LINGO2: variants seen among roughly 807,000 people sequenced by gnomAD.
The protein encoded by LINGO2 is leucine-rich repeat and immunoglobulin-like domain-containing nogo receptor-interacting protein 2.
A neutral mutation model predicts 30.6 loss-of-function variants in LINGO2; 14 were observed. The ratio of observed to expected loss-of-function variants is 0.46; its 90% CI spans 0.30 to 0.72. The LOEUF (loss-of-function observed/expected upper bound fraction) is 0.72, where lower values mean the gene tolerates loss of function less well. Ranked by LOEUF, LINGO2 falls within the 30% of genes least tolerant of loss-of-function variation. The pLI, the probability that LINGO2 is intolerant of heterozygous loss-of-function variation, is 0.07. For missense variants in LINGO2, 729 were observed against 751.7 expected, an observed-to-expected ratio of 0.97 and a Z score of 0.35; for synonymous variants, 317 against 288.5, an observed-to-expected ratio of 1.10 and a Z score of -1.00.
At chr9:28,232,589 A>G (rs534527606) in intron 4 of LINGO2, among the ~76,000 whole-genome samples, 6 of 152,140 alleles carry the variant, frequency 3.9e-5, no homozygotes, top group Non-Finnish European at 5.9e-5. Context: ...AGCACCTCAC[A>G]TAACTCATCA....
At chr9:28,284,103 G>C (rs919927159) in intron 4 of LINGO2, among the ~76,000 whole-genome samples, 29 of 152,042 alleles carry the variant, frequency 1.9e-4, no homozygotes, top group African/African-American at 6.5e-4. Context: ...ATAGTCTACT[G>C]TAACAGTGCT....
the LINGO2 span, among the ~76,000 whole-genome samples, chr9:28,943,192 T>C: frequency 1.4e-4 from 21 of 152,118 alleles, no homozygotes; most frequent in Non-Finnish European, 2.9e-4. Context: ...AAAACAGTCA[T>C]TTTAGTAGGG....
chr9:28,569,132 A>G (rs1025604035), intron 1 of LINGO2, among the ~76,000 whole-genome samples: 1 of 152,054 alleles, frequency 6.6e-6, no homozygotes, highest in Non-Finnish European at 1.5e-5. Context: ...AAGATGAAAA[A>G]TAACAAGAGT....
intron 4 of LINGO2, among the ~76,000 whole-genome samples, chr9:28,014,861 T>C (rs1822747581): frequency 6.6e-6 from 1 of 152,174 alleles, no homozygotes; most frequent in South Asian, 2.1e-4. Context: ...GCAAATTCAA[T>C]ATTTTTAATA....
intron 3 of LINGO2, among the ~76,000 whole-genome samples, chr9:28,322,110 C>T (rs1825065006): frequency 6.6e-6 from 1 of 152,148 alleles, no homozygotes. Flanking sequence ...ACACACTAAC[C>T]TTGAGACACA....
At chr9:29,124,971 T>C in the LINGO2 span, among the ~76,000 whole-genome samples, 1 of 152,166 alleles carries the variant, frequency 6.6e-6, no homozygotes, top group Non-Finnish European at 1.5e-5. Flanking sequence ...CGTATGTTTA[T>C]TGCAGCAGTA....
intron 3 of LINGO2, among the ~76,000 whole-genome samples, chr9:28,297,746 T>C (rs1310205652): frequency 1.3e-5 from 2 of 152,232 alleles, no homozygotes; most frequent in Non-Finnish European, 1.5e-5. Context: ...CAACCTCATG[T>C]AGCTGAGTTA....
rs146991259 is a variant in LINGO2, at chr9:27,977,346, G to A, written c.-35-26640C>T. 4.2e-3 allele frequency among the ~76,000 whole-genome samples: 632 copies of A among 151,704 alleles called. 9 individuals carry two copies. The highest frequency in any genetic ancestry group is 0.015 in the African/African-American group (601 of 41,402). On this transcript the variant is annotated intron_variant, in intron 5 of 5. Transcript: ENST00000379992. ...TGCTGGGAATATTCACACCTTTTTG[G>A]ATGACTAATTAATTACTTCAGGTGA...
At chr9:28,068,244 T>C (rs1825371548) in intron 4 of LINGO2, among the ~76,000 whole-genome samples, 1 of 152,164 alleles carries the variant, frequency 6.6e-6, no homozygotes, top group Admixed American at 6.5e-5. Context: ...CTGACATTTC[T>C]AGAGGCTGCA....
At chr9:28,718,275 C>T in the LINGO2 span, among the ~76,000 whole-genome samples, 1 of 151,790 alleles carries the variant, frequency 6.6e-6, no homozygotes, top group South Asian at 2.1e-4. Flanking sequence ...AGTTTGTGAA[C>T]AGAGTTCAGA....
At chr9:28,681,073 C>T in the LINGO2 span, among the ~76,000 whole-genome samples, 50 of 152,086 alleles carry the variant, frequency 3.3e-4, 2 homozygotes, top group African/African-American at 8.7e-4. Context: ...TGAAGTTTCA[C>T]GTCTTATATG....
chr9:28,834,227 G>A, the LINGO2 span, among the ~76,000 whole-genome samples: 8 of 152,092 alleles, frequency 5.3e-5, no homozygotes, highest in African/African-American at 1.7e-4. Flanking sequence ...AGCTGTTTTG[G>A]AGCCACTCTC....
At chr9:29,055,502 G>A in the LINGO2 span, among the ~76,000 whole-genome samples, 1 of 152,138 alleles carries the variant, frequency 6.6e-6, no homozygotes, top group Non-Finnish European at 1.5e-5. Context: ...AAATAATGCT[G>A]TAATCAACAT....
the LINGO2 span, among the ~76,000 whole-genome samples, chr9:28,726,397 GA>G: frequency 6.6e-6 from 1 of 152,090 alleles, no homozygotes; most frequent in Non-Finnish European, 1.5e-5. Context: ...ACCACAATGG[GA>G]TAAATCTAAA....
the LINGO2 span, among the ~76,000 whole-genome samples, chr9:29,125,909 C>T: frequency 6.6e-6 from 1 of 151,972 alleles, no homozygotes; most frequent in Admixed American, 6.6e-5. Context: ...TATAACTAAT[C>T]AAGCAAAATA....
chr9:28,229,963 T>C (rs1198090123), intron 4 of LINGO2, among the ~76,000 whole-genome samples: 1 of 151,608 alleles, frequency 6.6e-6, no homozygotes, highest in Non-Finnish European at 1.5e-5. Flanking sequence ...CTAAAGGCAA[T>C]AAAAGAAAAA....
chr9:28,652,775 GA>G (rs1354558130), intron 1 of LINGO2, among the ~76,000 whole-genome samples: 1 of 151,878 alleles, frequency 6.6e-6, no homozygotes, highest in African/African-American at 2.4e-5. Flanking sequence ...GTGGAGGAAG[GA>G]AAGAAGAAAG....
At chr9:28,726,648 C>T in the LINGO2 span, among the ~76,000 whole-genome samples, 1 of 152,038 alleles carries the variant, frequency 6.6e-6, no homozygotes, top group African/African-American at 2.4e-5. Flanking sequence ...AGCAAATAAG[C>T]AGACAGCTTG....
intron 5 of LINGO2, among the ~76,000 whole-genome samples, chr9:27,952,669 T>G (rs1018713390): frequency 6.6e-6 from 1 of 152,048 alleles, no homozygotes; most frequent in Non-Finnish European, 1.5e-5. Context: ...GCATTTTAAA[T>G]CAGTGAGAAA....
Sources: allele counts gnomAD v4.1 joint callset (sites outside exome capture counted in the v4.1 genomes callset), GRCh38; gene constraint gnomAD v4.1.1; transcripts MANE v1.5; gene names NCBI Gene and HGNC (gene_info 2026-07-23, HGNC 2026-07-21).